ZKSCAN2: variants seen among roughly 807,000 people sequenced by gnomAD.
ZKSCAN2 encodes zinc finger with KRAB and SCAN domains 2.
In ZKSCAN2, 38 loss-of-function variants were observed where a neutral mutation model predicts 90.5. That is an observed-to-expected ratio of 0.42 (90% CI 0.32 to 0.55). The LOEUF is 0.55. Among genes scored for constraint, ZKSCAN2 ranks in the 20% least tolerant of loss-of-function variants. The probability of loss-of-function intolerance (pLI) is 0.11; values close to 1 mark genes in which losing one functional copy is unlikely to be tolerated. For synonymous variants in ZKSCAN2, 429 were observed against 421.6 expected (o/e 1.02, Z -0.22); for missense variants, 1,167 against 1,202.6 (o/e 0.97, Z 0.44).
chr16:25,254,145 GC>G (rs1262216074), intron 2 of ZKSCAN2, among the ~76,000 whole-genome samples: 1 of 152,244 alleles, frequency 6.6e-6, no homozygotes, highest in Non-Finnish European at 1.5e-5. Flanking sequence ...TAAAGCCTAA[GC>G]TCTTAGCCTC....
At chr16:25,254,695 T>C (rs904817967) in intron 2 of ZKSCAN2, among the ~76,000 whole-genome samples, 6 of 152,128 alleles carry the variant, frequency 3.9e-5, no homozygotes, top group Non-Finnish European at 7.4e-5. Context: ...TCCCAAAGTG[T>C]TGGGATTACG....
In ZKSCAN2 at chr16:25,257,711, G is replaced by C. The variant is rs751922423; in HGVS notation, c.-584C>G. The C allele has an allele frequency of 7.9e-4, 128 of 161,726 alleles. No homozygotes were observed. The highest frequency in any genetic ancestry group is 1.5e-3 in the Non-Finnish European group (112 of 76,686). The allele number at this position is 161,726 out of a possible 1,614,324, so 10.0% of individuals were successfully genotyped here. ...CCGTCCTGAGGAAACCGCTGCCGCC[G>C]AGGAAAGGCCGCAAAAACTGTTCCG... is the stretch of plus-strand genomic sequence containing the variant. On this transcript the variant is annotated 5_prime_UTR_variant, in exon 1 of 7. Transcript: ENST00000328086.
In ZKSCAN2 at chr16:25,238,634, G is replaced by C. The variant is rs1176436228; in HGVS notation, c.*1182C>G. On this transcript the variant is annotated 3_prime_UTR_variant, in exon 7 of 7. Transcript: ENST00000328086. ...GTGTTAAGTTACTTGGCACACTACA[G>C]TTAGGTTTCTGATGCGGTGAACAGG... The C allele has an allele frequency of 1.3e-5, 2 of 152,214 alleles. No homozygotes were observed. Among genetic ancestry groups the C allele is most frequent in the African/African-American group, 4.8e-5 (2 of 41,456 alleles). The allele number at this position is 152,214 out of a possible 1,614,324, so 9.4% of individuals were successfully genotyped here.
At chr16:25,254,588 CTTATT>C (rs1287871145) in intron 2 of ZKSCAN2, among the ~76,000 whole-genome samples, 1 of 152,148 alleles carries the variant, frequency 6.6e-6, no homozygotes, top group African/African-American at 2.4e-5. Context: ...GAATGTAGAT[CTTATT>C]TTATTTTTTT....
rs1340762432 is a variant in ZKSCAN2 at position 25,254,543 on chromosome 16, C to T, written c.586+663G>A. Among the ~76,000 whole-genome samples, 4 of 152,250 alleles carry T rather than the reference C, an allele frequency of 2.6e-5. No homozygotes were observed. The East Asian group carries it at 5.8e-4, about 22-fold the overall frequency. On this transcript the variant is annotated intron_variant, in intron 2 of 6. Coordinates refer to ENST00000328086, the MANE Select transcript of ZKSCAN2 (RefSeq NM_001012981.5). ...ATTTATAGTCAGCCAAGAGCACATA[C>T]ACATGGCAGGACTGAAAAACACATG...
intron 2 of ZKSCAN2, among the ~76,000 whole-genome samples, chr16:25,254,142 T>G (rs1963060959): frequency 6.6e-6 from 1 of 152,262 alleles, no homozygotes; most frequent in Non-Finnish European, 1.5e-5. Flanking sequence ...CTCTAAAGCC[T>G]AAGCTCTTAG....
At position 25,243,886 on chromosome 16, in the gene ZKSCAN2, T is replaced by A. The variant is rs776124376; in HGVS notation, c.1880A>T (p.Glu627Val). 18 of 1,613,932 alleles carry A rather than the reference T, an allele frequency of 1.1e-5. No homozygotes were observed. Among genetic ancestry groups the A allele is most frequent in the Non-Finnish European group, 1.4e-5 (17 of 1,180,014 alleles). Residue 627 changes from glutamate (E) to valine (V), a missense_variant, in exon 6 of 7, where the codon GAG (glutamate) becomes GTG (valine). Glu to Val is a moderately radical substitution (Grantham distance 121). Transcript: ENST00000328086. ...ACTGCAAGAGTCTTCTATTACTGCC[T>A]CCTGTGAGGTCTCTTCAGGTTCCCA... ...TGWEPEETSQ[E>V]AVIEDSCSER...
In ZKSCAN2 at chr16:25,240,609, C is replaced by T. The variant is rs144615670; in HGVS notation, c.2111G>A (p.Arg704His). The change falls in exon 7 of 7, where the codon CGC becomes CAC. Residue 704 changes from arginine to histidine, a missense_variant. Arg to His is a conservative substitution (Grantham distance 29, BLOSUM62 0). Transcript: ENST00000328086. ...VSQSTDPSKY[R>H]KRECISGRQW... ...TCTTCCTGAGATGCATTCCCTTTTG[C>T]GATATTTGCTGGGGTCGGTACTCTG... 179 of 1,614,118 alleles carry T rather than the reference C, an allele frequency of 1.1e-4. No individual in the cohort carries two copies. In the East Asian group the frequency reaches 1.8e-3, roughly 16 times the overall value.
Position 25,252,953 on chromosome 16 carries a change from C to A in ZKSCAN2, c.671G>T (p.Gly224Val), listed in dbSNP as rs1250373828. Residue 224 changes from glycine (G) to valine (V), a missense_variant, in exon 3 of 7, where the codon GGG (glycine) becomes GTG (valine). Coordinates refer to ENST00000328086, the MANE Select transcript of ZKSCAN2 (RefSeq NM_001012981.5). Reference sequence around the variant, plus strand: ...AAGACAATTACAATGTACCTGGGACCCAGCAGGAAGCCGTGTGGTTGTCAC... The same window carrying A: ...AAGACAATTACAATGTACCTGGGACACAGCAGGAAGCCGTGTGGTTGTCAC... ...QEVTTTRLPAGSQEPVKDVHV... is the reference protein window; with the variant it reads ...QEVTTTRLPAVSQEPVKDVHV... 1 of 1,613,154 alleles carries A rather than the reference C, an allele frequency of 6.2e-7. No homozygotes were observed. Among genetic ancestry groups the A allele is most frequent in the Admixed American group, 1.7e-5 (1 of 59,966 alleles).
rs1277316480 is a variant in ZKSCAN2, at chr16:25,240,476, G to A, written c.2244C>T (p.Tyr748=). The part of the protein sequence containing the change: ...HQRPFVGKRP[Y]RLLKYGESFG... ...AGCTTTCTCCATATTTGAGAAGTCTGTAGGGTCTCTTCCCCACAAAAGGCC... is the reference window on the plus strand; with the variant it reads ...AGCTTTCTCCATATTTGAGAAGTCTATAGGGTCTCTTCCCCACAAAAGGCC... The change falls in exon 7 of 7, where the codon TAC becomes TAT. Residue 748 remains tyrosine (Y), a synonymous_variant. Coordinates refer to ENST00000328086, the MANE Select transcript of ZKSCAN2 (RefSeq NM_001012981.5). 1.9e-6 allele frequency: 3 copies of A among 1,614,144 alleles called. No individual in the cohort carries two copies. The highest frequency in any genetic ancestry group is 2.2e-5 in the South Asian group (2 of 91,084).
At chr16:25,252,172 C>T in intron 3 of ZKSCAN2, 137 bp from the exon 4 acceptor site, 1 of 934,172 alleles carries the variant, frequency 1.1e-6, no homozygotes, top group Non-Finnish European at 1.6e-6. Context: ...CCAAATGAAG[C>T]AGAAGAGAAA....
At position 25,255,707 on chromosome 16, in the gene ZKSCAN2, A is replaced by C. The variant is rs531011140; in HGVS notation, c.400-315T>G. Reference sequence around the variant, plus strand: ...AGCGATTCTCCTCTCTCAGCCTCCCAAGTAGCTGGGATTACAGGCATGCAC... The same window carrying C: ...AGCGATTCTCCTCTCTCAGCCTCCCCAGTAGCTGGGATTACAGGCATGCAC... On this transcript the variant is annotated intron_variant, in intron 1 of 6. Transcript: ENST00000328086. Among the ~76,000 whole-genome samples the C allele has an allele frequency of 1.4e-4, 21 of 152,236 alleles. No homozygotes were observed. In the East Asian group the frequency reaches 3.5e-3, roughly 25 times the overall value.
chr16:25,256,720 C>T lies in ZKSCAN2; in HGVS notation c.399+9G>A, dbSNP rs761710587. On this transcript the variant is annotated intron_variant, in intron 1 of 6. Coordinates refer to ENST00000328086, the MANE Select transcript of ZKSCAN2 (RefSeq NM_001012981.5). ...TCTAAGTACAAAAATTTGGAAAATCCTCTCTCACCTGCTGTCTTAGTCTTC... is the reference window on the plus strand; with the variant it reads ...TCTAAGTACAAAAATTTGGAAAATCTTCTCTCACCTGCTGTCTTAGTCTTC... The T allele has an allele frequency of 6.3e-7, 1 of 1,592,500 alleles. No individual in the cohort carries two copies. The highest frequency in any genetic ancestry group is 8.5e-7 in the Non-Finnish European group (1 of 1,170,314).
chr16:25,247,865 G>A (rs2141365318), intron 4 of ZKSCAN2, among the ~76,000 whole-genome samples: 1 of 152,252 alleles, frequency 6.6e-6, no homozygotes, highest in Middle Eastern at 3.4e-3. Context: ...CAAAGCCACA[G>A]TAATCAAAAC....
intron 4 of ZKSCAN2, among the ~76,000 whole-genome samples, chr16:25,249,873 GA>G (rs1962993023): frequency 1.3e-5 from 2 of 152,150 alleles, no homozygotes; most frequent in Admixed American, 6.6e-5. Flanking sequence ...TCAGCATCTT[GA>G]AGAGATAGCT....
intron 4 of ZKSCAN2, among the ~76,000 whole-genome samples, chr16:25,248,558 A>G (rs1237736472): frequency 1.3e-5 from 2 of 152,236 alleles, no homozygotes; most frequent in African/African-American, 2.4e-5. Flanking sequence ...AAAGGTGCTC[A>G]ACATTGCTAA....
At position 25,243,940 on chromosome 16, in the gene ZKSCAN2, A is replaced by G. The variant is rs1962891173; in HGVS notation, c.1826T>C (p.Ile609Thr). ...PSPSRQERGG[I>T]EVEPQEPTGW... The stretch of plus-strand genomic sequence containing the variant: ...TGTAGGTTCCTGGGGTTCAACCTCA[A>G]TACCCCCTCTTTCTTGCCTTGAAGG... Residue 609 changes from isoleucine to threonine, a missense_variant, in exon 6 of 7, where the codon ATT (isoleucine) becomes ACT (threonine). Ile to Thr is a moderately conservative substitution (Grantham distance 89, BLOSUM62 -1). Transcript: ENST00000328086. The G allele has an allele frequency of 6.2e-7, 1 of 1,613,998 alleles. No individual in the cohort carries two copies. Among genetic ancestry groups the G allele is most frequent in the Non-Finnish European group, 8.5e-7 (1 of 1,180,014 alleles).
chr16:25,245,554 T>C (rs996479956), intron 5 of ZKSCAN2, among the ~76,000 whole-genome samples: 9 of 152,004 alleles, frequency 5.9e-5, no homozygotes, highest in African/African-American at 2.2e-4. Context: ...TCATTTGAGG[T>C]TGGGAGTTTG....
rs752022614 is a variant in ZKSCAN2, at chr16:25,240,176, TATA to T, written c.2541_2543del (p.Ile848del). On this transcript the variant is annotated inframe_deletion, in exon 7 of 7. Transcript: ENST00000328086. ...TCTCACCGGTGTGCGTTCTCTGATG[TATA>T]ATAAGACTAGAGCTCTGACTAAAGC... 1.9e-6 allele frequency: 3 copies of T among 1,614,156 alleles called. No individual in the cohort carries two copies. Among genetic ancestry groups the T allele is most frequent in the Middle Eastern group, 1.6e-4 (1 of 6,062 alleles).
Sources: allele counts gnomAD v4.1 joint callset (sites outside exome capture counted in the v4.1 genomes callset), GRCh38; gene constraint gnomAD v4.1.1; transcripts MANE v1.5; gene names NCBI Gene and HGNC (gene_info 2026-07-23, HGNC 2026-07-21).